SLC24A3: variants seen among roughly 807,000 people sequenced by gnomAD.
SLC24A3 encodes solute carrier family 24 member 3.
Under a neutral mutation model 75.8 loss-of-function variants are expected in SLC24A3, and 28 were observed. The ratio of observed to expected loss-of-function variants is 0.37; its 90% CI spans 0.27 to 0.51. SLC24A3 has a LOEUF of 0.51. SLC24A3 is among the 20% of genes least tolerant of loss of function. The probability of loss-of-function intolerance (pLI) is 0.94; values close to 1 mark genes in which losing one functional copy is unlikely to be tolerated. For missense variants in SLC24A3, 663 were observed against 847.8 expected (o/e 0.78, Z 2.71); for synonymous variants, 372 against 334.1 (o/e 1.11, Z -1.24).
At chr20:19,464,819 C>T (rs1330464814) in intron 2 of SLC24A3, among the ~76,000 whole-genome samples, 1 of 152,140 alleles carries the variant, frequency 6.6e-6, no homozygotes, top group South Asian at 2.1e-4. Context: ...TCCCCCTTAC[C>T]CCAGAGTACG....
chr20:19,616,390 G>A lies in SLC24A3; in HGVS notation c.612+30846G>A, dbSNP rs565353408. ...TGTGTCACCTCTCCATGCCTGCCAC[G>A]TGTGCTTTACAGCCCTCTAGACAGA... On this transcript the variant is annotated intron_variant, in intron 6 of 16. Coordinates refer to ENST00000328041, the MANE Select transcript of SLC24A3 (RefSeq NM_020689.4). Among the ~76,000 whole-genome samples the A allele has an allele frequency of 1.6e-4, 25 of 152,342 alleles. No individual in the cohort carries two copies. The South Asian group carries it at 3.7e-3, about 23-fold the overall frequency.
chr20:19,537,942 G>A (rs2030429138), intron 3 of SLC24A3, among the ~76,000 whole-genome samples: 1 of 151,740 alleles, frequency 6.6e-6, no homozygotes, highest in Admixed American at 6.6e-5. Context: ...ACGAGTTAAT[G>A]GGTGCAGCAC....
chr20:19,444,997 G>A (rs78815204), intron 2 of SLC24A3, among the ~76,000 whole-genome samples: 2,720 of 151,998 alleles, frequency 0.018, 72 homozygotes, highest in East Asian at 0.1. Flanking sequence ...TGTCTCACAC[G>A]TTTTGATACA....
intron 12 of SLC24A3, among the ~76,000 whole-genome samples, chr20:19,691,356 G>T (rs955057168): frequency 3.3e-5 from 5 of 152,232 alleles, no homozygotes; most frequent in Admixed American, 6.5e-5. Context: ...GCAGGAAAAG[G>T]CTTGGAGTGT....
chr20:19,298,953 C>T (rs1318896997), intron 2 of SLC24A3, among the ~76,000 whole-genome samples: 1 of 152,188 alleles, frequency 6.6e-6, no homozygotes, highest in Non-Finnish European at 1.5e-5. Flanking sequence ...CCAGCCTGCC[C>T]CTCACACAGG....
intron 6 of SLC24A3, among the ~76,000 whole-genome samples, chr20:19,607,571 G>T (rs1323460203): frequency 6.6e-6 from 1 of 152,172 alleles, no homozygotes; most frequent in African/African-American, 2.4e-5. Flanking sequence ...GTGCACCTTT[G>T]TGGTTTCTGT....
chr20:19,288,346 A>T (rs1983861632), intron 2 of SLC24A3, among the ~76,000 whole-genome samples: 1 of 152,178 alleles, frequency 6.6e-6, no homozygotes, highest in Non-Finnish European at 1.5e-5. Context: ...TCTAGCAGAA[A>T]GGGCCAGACA....
chr20:19,428,148 C>T (rs919068247), intron 2 of SLC24A3, among the ~76,000 whole-genome samples: 2 of 152,194 alleles, frequency 1.3e-5, no homozygotes, highest in Admixed American at 6.5e-5. Context: ...TCTCTCCATG[C>T]AGTAGCAGCA....
At chr20:19,418,203 A>C (rs1340598313) in intron 2 of SLC24A3, among the ~76,000 whole-genome samples, 2 of 152,222 alleles carry the variant, frequency 1.3e-5, no homozygotes, top group African/African-American at 4.8e-5. Flanking sequence ...ATTTTAAACA[A>C]ACAGAGACAG....
intron 2 of SLC24A3, among the ~76,000 whole-genome samples, chr20:19,351,085 A>G (rs780639136): frequency 1.1e-4 from 16 of 152,114 alleles, no homozygotes; most frequent in Non-Finnish European, 2.1e-4. Context: ...ATGGTGGCCA[A>G]TGGTCCAGGC....
chr20:19,649,774 T>A (rs191748618), intron 6 of SLC24A3, among the ~76,000 whole-genome samples: 3 of 152,206 alleles, frequency 2.0e-5, no homozygotes, highest in Non-Finnish European at 4.4e-5. Context: ...TAGTATAGTG[T>A]CTGGGAACAG....
chr20:19,704,091 G>A (rs1195081687), intron 15 of SLC24A3, among the ~76,000 whole-genome samples: 1 of 152,118 alleles, frequency 6.6e-6, no homozygotes, highest in Admixed American at 6.6e-5. Flanking sequence ...TTATTATTTT[G>A]TTTGTGCCTA....
chr20:19,396,563 A>T (rs1443961348), intron 2 of SLC24A3, among the ~76,000 whole-genome samples: 1 of 152,250 alleles, frequency 6.6e-6, no homozygotes, highest in Non-Finnish European at 1.5e-5. Flanking sequence ...ATCCTATTGA[A>T]TACAGCAGGT....
At chr20:19,449,546 T>G (rs760063550) in intron 2 of SLC24A3, among the ~76,000 whole-genome samples, 6 of 152,234 alleles carry the variant, frequency 3.9e-5, no homozygotes, top group Non-Finnish European at 8.8e-5. Flanking sequence ...GCCACAGTGC[T>G]CAGCCCAGTG....
At chr20:19,273,554 C>G (rs958782585) in intron 1 of SLC24A3, among the ~76,000 whole-genome samples, 5 of 152,206 alleles carry the variant, frequency 3.3e-5, no homozygotes, top group Admixed American at 1.3e-4. Context: ...TTTGCTGATC[C>G]TGCCAGGAGG....
At chr20:19,487,622 GC>G (rs1423376913) in intron 2 of SLC24A3, among the ~76,000 whole-genome samples, 2 of 152,208 alleles carry the variant, frequency 1.3e-5, no homozygotes, top group East Asian at 3.9e-4. Flanking sequence ...CCAGCTTATT[GC>G]ACAATAATAT....
At chr20:19,423,544 C>T (rs766371194) in intron 2 of SLC24A3, among the ~76,000 whole-genome samples, 2 of 152,210 alleles carry the variant, frequency 1.3e-5, no homozygotes, top group Non-Finnish European at 2.9e-5. Context: ...ATTGTTTTCT[C>T]TGCTCCCAGG....
chr20:19,495,249 A>G (rs751993273), intron 2 of SLC24A3, among the ~76,000 whole-genome samples: 28 of 152,338 alleles, frequency 1.8e-4, no homozygotes, highest in Middle Eastern at 3.4e-3. Flanking sequence ...CTGAGCGGGC[A>G]CCAACAGCAT....
rs151015805 is a variant in SLC24A3, at chr20:19,681,846, C to T, written c.768-12C>T. 5.3e-5 allele frequency: 86 copies of T among 1,613,906 alleles called. No individual in the cohort carries two copies. The African/African-American group carries it at 5.9e-4, about 11-fold the overall frequency. On this transcript the variant is annotated splice_polypyrimidine_tract_variant and intron_variant, in intron 9 of 16. Coordinates refer to ENST00000328041, the MANE Select transcript of SLC24A3 (RefSeq NM_020689.4). ...ACACTGATGGACTCTGCCCACTTGTCGCTTTGCTCAGATATAACGCTTGCA... is the reference window on the plus strand; with the variant it reads ...ACACTGATGGACTCTGCCCACTTGTTGCTTTGCTCAGATATAACGCTTGCA...
Sources: gnomAD v4.1 joint callset for allele counts (sites outside exome capture counted in the v4.1 genomes callset) on GRCh38, gnomAD v4.1.1 for gene constraint, MANE v1.5 for transcripts, NCBI Gene and HGNC (gene_info 2026-07-23, HGNC 2026-07-21) for gene names.